Variants in SOX5 observed in about 807,000 individuals in gnomAD.
SOX5 encodes SRY-box transcription factor 5, also known as transcription factor SOX-5.
In SOX5, 9 loss-of-function variants were observed where a neutral mutation model predicts 92.0. That is an observed-to-expected ratio of 0.10 (90% CI 0.06 to 0.17). The LOEUF (loss-of-function observed/expected upper bound fraction) is 0.17. SOX5 is among the 10% of genes least tolerant of loss of function. The pLI is 1.00. For missense variants in SOX5, 642 were observed against 944.5 expected (o/e 0.68, Z 4.20); for synonymous variants, 344 against 336.3 (o/e 1.02, Z -0.25).
intron 6 of SOX5, among the ~76,000 whole-genome samples, chr12:23,676,152 C>G (rs1269049777): frequency 6.6e-6 from 1 of 151,944 alleles, no homozygotes; most frequent in Non-Finnish European, 1.5e-5. Flanking sequence ...ATCTAATGTA[C>G]AGCATGAGAG....
At chr12:24,452,642 T>G (rs1029441847) in intron 1 of SOX5, among the ~76,000 whole-genome samples, 1 of 152,102 alleles carries the variant, frequency 6.6e-6, no homozygotes, top group Admixed American at 6.6e-5. Flanking sequence ...AATGTTGAAG[T>G]GTGAAGGCTT....
chr12:23,852,537 A>G (rs1289407269), intron 2 of SOX5, among the ~76,000 whole-genome samples: 1 of 152,154 alleles, frequency 6.6e-6, no homozygotes, highest in Non-Finnish European at 1.5e-5. Flanking sequence ...ATTCAACAGG[A>G]TGGAAATTCA....
chr12:24,561,791 G>T (rs1365901439), intron 1 of SOX5, among the ~76,000 whole-genome samples: 1 of 151,306 alleles, frequency 6.6e-6, no homozygotes, highest in South Asian at 2.1e-4. Flanking sequence ...GAGTCGGGAG[G>T]TGGGGGTGAC....
At chr12:23,733,896 T>A (rs2093485124) in intron 6 of SOX5, among the ~76,000 whole-genome samples, 1 of 152,154 alleles carries the variant, frequency 6.6e-6, no homozygotes, top group African/African-American at 2.4e-5. Flanking sequence ...GGTTCCTTGA[T>A]AGTCATAGCA....
intron 6 of SOX5, among the ~76,000 whole-genome samples, chr12:23,682,992 A>C (rs2086877937): frequency 6.6e-6 from 1 of 151,916 alleles, no homozygotes; most frequent in African/African-American, 2.4e-5. Context: ...CATAAAGGCA[A>C]AAATTATTGC....
upstream of SOX5, among the ~76,000 whole-genome samples, chr12:23,952,463 T>G (rs1184575107): frequency 4.6e-5 from 7 of 152,350 alleles, no homozygotes; most frequent in East Asian, 1.3e-3. Context: ...ATCTTCCTTA[T>G]ATTTGATTTT....
At chr12:24,058,326 C>A (rs1012881841) in intron 4 of SOX5, among the ~76,000 whole-genome samples, 1 of 152,168 alleles carries the variant, frequency 6.6e-6, no homozygotes, top group Non-Finnish European at 1.5e-5. Context: ...AAAAAAAATT[C>A]TCTTTCACAC....
At chr12:24,126,264 A>C (rs147053327) in intron 4 of SOX5, among the ~76,000 whole-genome samples, 336 of 152,228 alleles carry the variant, frequency 2.2e-3, no homozygotes, top group African/African-American at 7.5e-3. Flanking sequence ...TCCTTATAGC[A>C]TGTCCCAACG....
At chr12:23,546,606 A>G (rs967666286) in intron 11 of SOX5, among the ~76,000 whole-genome samples, 182 bp from the exon 12 acceptor site, 1 of 152,126 alleles carries the variant, frequency 6.6e-6, no homozygotes, top group Non-Finnish European at 1.5e-5. Context: ...CGATTTTTGA[A>G]GGAACTCTGA....
At chr12:24,111,598 A>C (rs1439580324) in intron 4 of SOX5, among the ~76,000 whole-genome samples, 3 of 152,216 alleles carry the variant, frequency 2.0e-5, no homozygotes, top group South Asian at 4.1e-4. Context: ...CCAGTAATTC[A>C]CATTGTAGGC....
upstream of SOX5, among the ~76,000 whole-genome samples, chr12:23,955,178 G>C (rs1460940674): frequency 1.3e-5 from 2 of 151,968 alleles, no homozygotes; most frequent in Non-Finnish European, 2.9e-5. Flanking sequence ...CAGCATAATG[G>C]CAATTAAGTA....
intron 4 of SOX5, among the ~76,000 whole-genome samples, chr12:24,053,985 A>G (rs891063383): frequency 6.6e-6 from 1 of 152,204 alleles, no homozygotes; most frequent in Admixed American, 6.5e-5. Flanking sequence ...TTCTCCCCCA[A>G]GCTCTATGGC....
At chr12:23,970,796 A>G (rs569762731) in intron 4 of SOX5, among the ~76,000 whole-genome samples, 1 of 114,330 alleles carries the variant, frequency 8.7e-6, no homozygotes, top group Admixed American at 9.9e-5. Flanking sequence ...GTATATAACT[A>G]AGAGTGGAAT....
At chr12:24,157,977 G>C (rs898439394) in intron 4 of SOX5, among the ~76,000 whole-genome samples, 1 of 151,950 alleles carries the variant, frequency 6.6e-6, no homozygotes, top group Non-Finnish European at 1.5e-5. Context: ...CTATTTCAGA[G>C]TACCTCATTT....
chr12:23,829,409 C>CTA (rs1441132565), intron 3 of SOX5, among the ~76,000 whole-genome samples: 1 of 152,096 alleles, frequency 6.6e-6, no homozygotes, highest in African/African-American at 2.4e-5. Context: ...GGGCCTGGAC[C>CTA]TTTAATGTGA....
intron 2 of SOX5, among the ~76,000 whole-genome samples, chr12:24,366,727 CT>C (rs1189228556): frequency 1.3e-5 from 2 of 152,042 alleles, no homozygotes; most frequent in Non-Finnish European, 2.9e-5. Context: ...AAATTCCCCC[CT>C]GTACTCTGTA....
chr12:24,402,164 G>T (rs1242234100), intron 1 of SOX5, among the ~76,000 whole-genome samples: 2 of 152,110 alleles, frequency 1.3e-5, no homozygotes, highest in Non-Finnish European at 2.9e-5. Flanking sequence ...ATGTTAGTGG[G>T]AGTATGGACA....
intron 1 of SOX5, among the ~76,000 whole-genome samples, chr12:24,478,034 T>C (rs528741583): frequency 2.0e-5 from 3 of 152,250 alleles, no homozygotes; most frequent in Admixed American, 6.5e-5. Flanking sequence ...CCCCTCAAAA[T>C]CAATATAATT....
chr12:24,296,201 G>T, intron 2 of SOX5, among the ~76,000 whole-genome samples: 1 of 152,254 alleles, frequency 6.6e-6, no homozygotes, highest in South Asian at 2.1e-4. Context: ...CTCTTTATAC[G>T]CTGGTTTTAT....
Sources: gnomAD v4.1 joint callset for allele counts (sites outside exome capture counted in the v4.1 genomes callset) on GRCh38, gnomAD v4.1.1 for gene constraint, MANE v1.5 for transcripts, NCBI Gene and HGNC (gene_info 2026-07-23, HGNC 2026-07-21) for gene names.